The following SORCS1 variants were observed in gnomAD, a reference collection of about 807,000 sequenced individuals.
SORCS1 encodes the protein sortilin related VPS10 domain containing receptor 1, also known as VPS10 domain-containing receptor SorCS1.
Under a neutral mutation model 146.1 loss-of-function variants are expected in SORCS1, and 60 were observed. The ratio of observed to expected loss-of-function variants is 0.41; its 90% CI spans 0.33 to 0.51. The LOEUF (loss-of-function observed/expected upper bound fraction) is 0.51. Ranked by LOEUF, SORCS1 falls within the 20% of genes least tolerant of loss-of-function variation. The pLI is 0.21. For missense variants in SORCS1, 1,352 were observed against 1,487.6 expected, an observed-to-expected ratio of 0.91 and a Z score of 1.50; for synonymous variants, 637 against 584.0, an observed-to-expected ratio of 1.09 and a Z score of -1.31.
At chr10:106,902,461 A>G (rs956353882) in intron 2 of SORCS1, among the ~76,000 whole-genome samples, 2 of 152,216 alleles carry the variant, frequency 1.3e-5, no homozygotes, top group Non-Finnish European at 2.9e-5. Flanking sequence ...TAGAATACTT[A>G]AACATTAAAG....
At chr10:106,721,751 C>T (rs1252096303) in intron 6 of SORCS1, among the ~76,000 whole-genome samples, 2 of 152,106 alleles carry the variant, frequency 1.3e-5, no homozygotes, top group East Asian at 1.9e-4. Flanking sequence ...ATTCTCTTTC[C>T]GTAGTGTTTG....
chr10:106,666,828 A>C (rs1040833340), intron 17 of SORCS1, among the ~76,000 whole-genome samples: 1 of 151,750 alleles, frequency 6.6e-6, no homozygotes, highest in Non-Finnish European at 1.5e-5. Context: ...AGCCTCCCAA[A>C]GTGCAGTGCT....
At chr10:106,667,594 T>C (rs1293800832) in intron 17 of SORCS1, 95 bp downstream of exon 17, 6 of 809,198 alleles carry the variant, frequency 7.4e-6, no homozygotes, top group Non-Finnish European at 1.2e-5. Context: ...TAAGGAAATA[T>C]GCTTGGTCCT....
At chr10:106,875,388 T>C (rs542689366) in intron 2 of SORCS1, among the ~76,000 whole-genome samples, 1 of 152,220 alleles carries the variant, frequency 6.6e-6, no homozygotes, top group Non-Finnish European at 1.5e-5. Context: ...GTTGGTTCCA[T>C]GTCTTTGCAA....
chr10:107,086,157 T>C (rs992411644), intron 1 of SORCS1, among the ~76,000 whole-genome samples: 2 of 152,194 alleles, frequency 1.3e-5, no homozygotes, highest in African/African-American at 4.8e-5. Context: ...TCCAGAGACA[T>C]GGAATCATTT....
intron 1 of SORCS1, among the ~76,000 whole-genome samples, chr10:107,145,748 G>GA: frequency 6.6e-6 from 1 of 152,276 alleles, no homozygotes; most frequent in Non-Finnish European, 1.5e-5. Context: ...CAGCAAGTTA[G>GA]CAAGTGCACA....
intron 3 of SORCS1, among the ~76,000 whole-genome samples, chr10:106,827,997 G>A (rs1336618): frequency 6.6e-6 from 1 of 152,138 alleles, no homozygotes; most frequent in Non-Finnish European, 1.5e-5. Context: ...ACTTCAGCAA[G>A]AAAAAAGAAT....
In SORCS1 at chr10:107,092,268, T is replaced by C. The variant is rs1463910244; in HGVS notation, c.558+71701A>G. 3.3e-5 allele frequency among the ~76,000 whole-genome samples: 5 copies of C among 152,322 alleles called. No individual in the cohort carries two copies. In the East Asian group the frequency reaches 9.7e-4, roughly 29 times the overall value. ...ATACATCCTCTGTGTGATTCTAAGA[T>C]GCCAAGAACGCTTCAGGAGCTGATG... is the stretch of plus-strand genomic sequence containing the variant. On this transcript the variant is annotated intron_variant, in intron 1 of 25. Transcript: ENST00000263054.
At chr10:106,600,368 G>A (rs546771242) in intron 23 of SORCS1, 1 of 976,326 alleles carries the variant, frequency 1.0e-6, no homozygotes, top group Non-Finnish European at 1.2e-6. Flanking sequence ...TGCATCAAAG[G>A]ACATTCAACA....
At chr10:106,629,441 C>A (rs547202328) in intron 18 of SORCS1, 53 bp from the exon 19 acceptor site, 3 of 1,584,712 alleles carry the variant, frequency 1.9e-6, no homozygotes, top group Admixed American at 3.4e-5. Flanking sequence ...GCTGCTCCTG[C>A]CTAGGGGACT....
chr10:107,004,690 C>T (rs2043006296), intron 1 of SORCS1, among the ~76,000 whole-genome samples: 1 of 152,096 alleles, frequency 6.6e-6, no homozygotes, highest in African/African-American at 2.4e-5. Flanking sequence ...CGTGATTTAC[C>T]AGAAGTGGCT....
At chr10:107,169,855 T>G in the SORCS1 span, among the ~76,000 whole-genome samples, 1 of 152,276 alleles carries the variant, frequency 6.6e-6, no homozygotes, top group East Asian at 1.9e-4. Context: ...AATTCCACAT[T>G]ATTTTTGTGT....
intron 1 of SORCS1, among the ~76,000 whole-genome samples, chr10:107,032,668 G>A (rs1374420745): frequency 6.6e-6 from 1 of 152,120 alleles, no homozygotes; most frequent in Non-Finnish European, 1.5e-5. Flanking sequence ...CAGAAAAGAG[G>A]GGTCTTGTGA....
intron 1 of SORCS1, among the ~76,000 whole-genome samples, chr10:107,021,739 T>G (rs547248234): frequency 6.6e-6 from 1 of 152,202 alleles, no homozygotes; most frequent in South Asian, 2.1e-4. Context: ...CCCTAAGAGT[T>G]AAAATATCTT....
At chr10:106,794,561 G>A (rs1196504566) in intron 3 of SORCS1, among the ~76,000 whole-genome samples, 3 of 146,240 alleles carry the variant, frequency 2.1e-5, no homozygotes, top group African/African-American at 7.6e-5. Context: ...GGAGTGCAGT[G>A]GCACGATCTC....
rs765906493 is a variant in SORCS1 at position 106,766,046 on chromosome 10, C to A, written c.886-4385G>T. Among the ~76,000 whole-genome samples the A allele has an allele frequency of 1.2e-4, 19 of 152,178 alleles. 1 individual carries two copies. Among genetic ancestry groups the A allele is most frequent in the Non-Finnish European group, 2.8e-4 (19 of 68,038 alleles). On this transcript the variant is annotated intron_variant, in intron 4 of 25. Transcript: ENST00000263054. ...TCATGGGACCAGATGTTGTTCACCA[C>A]AAAGCTTCCCACGGTGGCTTCCCCG... is the stretch of plus-strand genomic sequence containing the variant.
intron 2 of SORCS1, among the ~76,000 whole-genome samples, chr10:106,868,149 A>G (rs1564753156): frequency 6.6e-6 from 1 of 152,216 alleles, no homozygotes; most frequent in East Asian, 1.9e-4. Context: ...AAGAAGACCT[A>G]ACTATCCCAA....
At chr10:106,836,785 A>AT (rs1488018876) in intron 2 of SORCS1, among the ~76,000 whole-genome samples, 1 of 152,202 alleles carries the variant, frequency 6.6e-6, no homozygotes, top group African/African-American at 2.4e-5. Flanking sequence ...TCTATGAGGA[A>AT]AAGAAGGTAT....
chr10:107,089,565 C>T (rs1289362508), intron 1 of SORCS1, among the ~76,000 whole-genome samples: 1 of 152,150 alleles, frequency 6.6e-6, no homozygotes, highest in African/African-American at 2.4e-5. Flanking sequence ...GCTGTATCCT[C>T]ATCACTTAGC....
Sources: gnomAD v4.1 joint callset for allele counts (sites outside exome capture counted in the v4.1 genomes callset) on GRCh38, gnomAD v4.1.1 for gene constraint, MANE v1.5 for transcripts, NCBI Gene and HGNC (gene_info 2026-07-23, HGNC 2026-07-21) for gene names.